Variants in CCDC158 observed in about 807,000 individuals in gnomAD.
CCDC158 encodes coiled-coil domain-containing protein 158.
CCDC158 carries 116 observed loss-of-function variants against 138.6 expected under a neutral mutation model. The ratio of observed to expected loss-of-function variants is 0.84; its 90% CI spans 0.72 to 0.98. The LOEUF (loss-of-function observed/expected upper bound fraction) is 0.98. Among genes scored for constraint, CCDC158 ranks in the 50% least tolerant of loss-of-function variants. CCDC158 has a pLI of 0.00. For missense variants in CCDC158, 1,265 were observed against 1,306.1 expected (o/e 0.97, Z 0.48); for synonymous variants, 436 against 442.4 (o/e 0.99, Z 0.18).
At chr4:76,359,472 C>G (rs552701681) in intron 13 of CCDC158, among the ~76,000 whole-genome samples, 1 of 152,204 alleles carries the variant, frequency 6.6e-6, no homozygotes, top group African/African-American at 2.4e-5. Flanking sequence ...TTGTTGTGAC[C>G]AGAATGCTGA....
chr4:76,315,909 TG>T (rs1719342346), intron 24 of CCDC158, among the ~76,000 whole-genome samples: 1 of 152,070 alleles, frequency 6.6e-6, no homozygotes, highest in African/African-American at 2.4e-5. Context: ...GCCCATCCCT[TG>T]GGGGAGGGGG....
At chr4:76,399,551 T>G (rs1244689825) in intron 3 of CCDC158, among the ~76,000 whole-genome samples, 2 of 152,050 alleles carry the variant, frequency 1.3e-5, no homozygotes, top group East Asian at 3.9e-4. Context: ...TTGGCCAGAG[T>G]GATTTCACTG....
intron 4 of CCDC158, among the ~76,000 whole-genome samples, chr4:76,390,886 GA>G (rs1235102177): frequency 6.6e-6 from 1 of 151,932 alleles, no homozygotes; most frequent in Non-Finnish European, 1.5e-5. Context: ...AAGAGACAAA[GA>G]AGTCACAATA....
At chr4:76,378,621 C>G (rs369400990) in intron 9 of CCDC158, among the ~76,000 whole-genome samples, 32 of 152,192 alleles carry the variant, frequency 2.1e-4, no homozygotes, top group African/African-American at 7.5e-4. Context: ...GAATGAAGAC[C>G]ACCACTCCTC....
At position 76,385,377 on chromosome 4, in the gene CCDC158, T is replaced by C. The variant is rs117620723; in HGVS notation, c.289-712A>G. 1.9e-3 allele frequency among the ~76,000 whole-genome samples: 288 copies of C among 151,780 alleles called. 7 individuals carry two copies. In the East Asian group the frequency reaches 0.039, roughly 21 times the overall value. On this transcript the variant is annotated intron_variant, in intron 4 of 24. Transcript: ENST00000682701. ...AAGAACCAGAGGAACTAAAGAAAGATAATGCAAGGAAAAGAAGAACGCTTC... is the reference window on the plus strand; with the variant it reads ...AAGAACCAGAGGAACTAAAGAAAGACAATGCAAGGAAAAGAAGAACGCTTC...
At position 76,333,998 on chromosome 4, in the gene CCDC158, A is replaced by T. The variant is rs1721234951; in HGVS notation, c.2822+12T>A. On this transcript the variant is annotated intron_variant, in intron 19 of 24. Transcript: ENST00000682701. ...AGATGAGCTTTCCCATTCTGTGTGC[A>T]CACAGCCTTACACAGCCACATACAA... 6.4e-7 allele frequency: 1 copy of T among 1,571,086 alleles called. No individual in the cohort carries two copies. Among genetic ancestry groups the T allele is most frequent in the African/African-American group, 1.4e-5 (1 of 74,066 alleles).
At chr4:76,353,725 G>A (rs754468579) in intron 15 of CCDC158, among the ~76,000 whole-genome samples, 20 of 151,904 alleles carry the variant, frequency 1.3e-4, no homozygotes, top group Non-Finnish European at 2.4e-4. Context: ...GCATACCTGC[G>A]ACAGAAAAAC....
rs1724847052 is a variant in CCDC158 at position 76,367,865 on chromosome 4, A to C, written c.1348-89T>G. ...ATACAAGTTAACTTAAAAGCATGAA[A>C]TCATGAATTAGGCAATGTTTAGTAA... On this transcript the variant is annotated intron_variant, in intron 11 of 24. Transcript: ENST00000682701. 3.1e-6 allele frequency: 4 copies of C among 1,298,236 alleles called. No individual in the cohort carries two copies. The South Asian group carries it at 6.3e-5, about 20-fold the overall frequency. The allele number at this position is 1,298,236 out of a possible 1,614,324, so 80.4% of individuals were successfully genotyped here. A position where few individuals can be genotyped will look rare whatever the true frequency, so the allele number is the denominator to read the frequency against.
chr4:76,316,027 C>T (rs369849544), intron 24 of CCDC158, among the ~76,000 whole-genome samples: 1 of 152,102 alleles, frequency 6.6e-6, no homozygotes, highest in Non-Finnish European at 1.5e-5. Context: ...ATCAGAAAAG[C>T]GATTCTGGAA....
chr4:76,388,252 G>A lies in CCDC158; in HGVS notation c.289-3587C>T, dbSNP rs139752975. On this transcript the variant is annotated intron_variant, in intron 4 of 24. Coordinates refer to ENST00000682701, the MANE Select transcript of CCDC158 (RefSeq NM_001394954.1). ...CCTAGGTACCAGCTCAGCCACAGTC[G>A]GGTAGAGCAACAAGCAGGCTCTTGG... 2.5e-3 allele frequency among the ~76,000 whole-genome samples: 373 copies of A among 152,230 alleles called. 7 individuals carry two copies. The South Asian group carries it at 0.026, about 11-fold the overall frequency.
Position 76,362,218 on chromosome 4 carries a change from T to C in CCDC158, c.1928A>G (p.Glu643Gly), listed in dbSNP as rs1440334658. The change falls in exon 13 of 25, where the codon GAG (glutamate) becomes GGG (glycine). Residue 643 changes from glutamate to glycine, a missense_variant. Transcript: ENST00000682701. The part of the protein sequence containing the change: ...EKVKLVNAGS[E>G]RLRAVKDIKQ... Reference sequence around the variant, plus strand: ...GATGTCCTTCACTGCACGGAGCCGCTCAGAGCCTGCATTCACCAGCTTCAC... The same window carrying C: ...GATGTCCTTCACTGCACGGAGCCGCCCAGAGCCTGCATTCACCAGCTTCAC... 4 of 1,614,066 alleles carry C rather than the reference T, an allele frequency of 2.5e-6. No homozygotes were observed. In the Admixed American group the frequency reaches 6.7e-5, roughly 27 times the overall value.
At chr4:76,405,706 C>T (rs973026069) in intron 2 of CCDC158, among the ~76,000 whole-genome samples, 6 of 151,950 alleles carry the variant, frequency 3.9e-5, no homozygotes, top group African/African-American at 1.5e-4. Context: ...AGTAAAAGAC[C>T]ATTGACTTAA....
At chr4:76,405,456 G>C (rs947914997) in intron 2 of CCDC158, among the ~76,000 whole-genome samples, 2 of 152,128 alleles carry the variant, frequency 1.3e-5, no homozygotes, top group African/African-American at 4.8e-5. Flanking sequence ...GATCTTCAAG[G>C]TTTTGTGTAG....
intron 11 of CCDC158, among the ~76,000 whole-genome samples, chr4:76,369,133 T>C (rs892997662): frequency 6.6e-6 from 1 of 152,124 alleles, no homozygotes; most frequent in Non-Finnish European, 1.5e-5. Context: ...GAGAATTGCT[T>C]GAATCCGGGA....
intron 1 of CCDC158, among the ~76,000 whole-genome samples, chr4:76,420,429 A>G (rs1479222287): frequency 6.6e-6 from 1 of 152,198 alleles, no homozygotes; most frequent in Non-Finnish European, 1.5e-5. Flanking sequence ...GGCCTGGAGC[A>G]GAGTGCTGTG....
chr4:76,344,827 G>C, intron 18 of CCDC158: 1 of 1,599,812 alleles, frequency 6.3e-7, no homozygotes, highest in Non-Finnish European at 8.6e-7. Flanking sequence ...CAGAAACCGG[G>C]AGAGGGTGAA....
chr4:76,322,868 T>C (rs1720158836), intron 24 of CCDC158, among the ~76,000 whole-genome samples: 1 of 152,240 alleles, frequency 6.6e-6, no homozygotes, highest in Non-Finnish European at 1.5e-5. Context: ...TAGTGTCTTA[T>C]AGTGCTATGC....
chr4:76,351,165 A>T, intron 17 of CCDC158, 44 bp from the exon 18 acceptor site: 1 of 1,537,604 alleles, frequency 6.5e-7, no homozygotes, highest in Non-Finnish European at 8.8e-7. Context: ...GCCAGCCTAC[A>T]ATTATAAAGA....
At chr4:76,412,561 G>GA (rs1336332868) in intron 1 of CCDC158, among the ~76,000 whole-genome samples, 1 of 152,174 alleles carries the variant, frequency 6.6e-6, no homozygotes, top group Non-Finnish European at 1.5e-5. Flanking sequence ...AGGAATTCAA[G>GA]ACCAACATGG....
Sources: gnomAD v4.1 joint callset for allele counts (sites outside exome capture counted in the v4.1 genomes callset) on GRCh38, gnomAD v4.1.1 for gene constraint, MANE v1.5 for transcripts, NCBI Gene and HGNC (gene_info 2026-07-23, HGNC 2026-07-21) for gene names.